CLEC16A: variants seen among roughly 807,000 people sequenced by gnomAD.
The protein encoded by CLEC16A is protein CLEC16A.
A neutral mutation model predicts 109.5 loss-of-function variants in CLEC16A; 51 were observed. The observed-to-expected ratio is 0.47, with a 90% CI of 0.37 to 0.59. The LOEUF is 0.59. Ranked by LOEUF, CLEC16A falls within the 20% of genes least tolerant of loss-of-function variation. CLEC16A has a pLI of 0.00. For synonymous variants in CLEC16A, 673 were observed against 564.2 expected, an observed-to-expected ratio of 1.19 and a Z score of -2.73; for missense variants, 1,339 against 1,394.0, an observed-to-expected ratio of 0.96 and a Z score of 0.63.
chr16:11,120,833 CA>C, intron 20 of CLEC16A, 67 bp downstream of exon 20: 3 of 1,200,840 alleles, frequency 2.5e-6, no homozygotes, highest in South Asian at 2.3e-5. Flanking sequence ...CACACACACA[CA>C]CACACCACAC....
At chr16:11,079,487 G>A (rs2049581479) in intron 19 of CLEC16A, among the ~76,000 whole-genome samples, 1 of 152,194 alleles carries the variant, frequency 6.6e-6, no homozygotes, top group East Asian at 1.9e-4. Context: ...TTTATACAAG[G>A]TTCAAGGTGA....
chr16:11,173,439 C>T (rs2068608957), intron 23 of CLEC16A, among the ~76,000 whole-genome samples: 1 of 152,054 alleles, frequency 6.6e-6, no homozygotes, highest in African/African-American at 2.4e-5. Flanking sequence ...AATTAGAAGC[C>T]CCACTCGGCC....
At chr16:11,024,235 C>T (rs559422076) in intron 12 of CLEC16A, 1 of 153,154 alleles carries the variant, frequency 6.5e-6, no homozygotes, top group South Asian at 2.1e-4. Flanking sequence ...CTTCATTGCG[C>T]TTGAATCCTC....
chr16:10,944,677 G>C lies in CLEC16A; in HGVS notation c.-41G>C. On this transcript the variant is annotated 5_prime_UTR_variant, in exon 1 of 24. Coordinates refer to ENST00000409790, the MANE Select transcript of CLEC16A (RefSeq NM_015226.3). ...GGCGCTGGGCCGCTCTGCTGGTCCG[G>C]CATGAGACCGTGAGACGAGAGACGG... 3 of 1,567,824 alleles carry C rather than the reference G, an allele frequency of 1.9e-6. No homozygotes were observed. Among genetic ancestry groups the C allele is most frequent in the Middle Eastern group, 1.7e-4 (1 of 5,930 alleles).
At chr16:11,102,032 C>G (rs2050949390) in intron 19 of CLEC16A, among the ~76,000 whole-genome samples, 1 of 147,894 alleles carries the variant, frequency 6.8e-6, no homozygotes, top group Non-Finnish European at 1.5e-5. Flanking sequence ...AGGCTGGTCT[C>G]AAACTCTTGG....
chr16:11,148,242 C>T (rs1485982573), intron 22 of CLEC16A, among the ~76,000 whole-genome samples: 2 of 152,170 alleles, frequency 1.3e-5, no homozygotes, highest in Non-Finnish European at 1.5e-5. Context: ...TTTCCTGGTG[C>T]TGCTAGATGG....
chr16:11,088,510 G>T (rs576047742), intron 19 of CLEC16A, among the ~76,000 whole-genome samples: 1 of 152,328 alleles, frequency 6.6e-6, no homozygotes, highest in Admixed American at 6.5e-5. Context: ...AAAGAAGGCC[G>T]CCAAGGAAGG....
intron 22 of CLEC16A, among the ~76,000 whole-genome samples, chr16:11,143,015 T>C (rs2053908225): frequency 6.6e-6 from 1 of 152,232 alleles, no homozygotes; most frequent in Non-Finnish European, 1.5e-5. Context: ...TTCACCATGT[T>C]GGCCAGGCTG....
Position 10,961,497 on chromosome 16 carries a change from C to G in CLEC16A, c.210-958C>G, listed in dbSNP as rs988051751. On this transcript the variant is annotated intron_variant, in intron 2 of 23. Transcript: ENST00000409790. This position sits in a 1 kb window ranked among gnomAD's most constrained non-coding sequence, Gnocchi z 4.3. Reference sequence around the variant, plus strand: ...TAGCTTGAGTACAGAGAACACATAACTAGAAACGTCATTCTCTTCCTTTAG... The same window carrying G: ...TAGCTTGAGTACAGAGAACACATAAGTAGAAACGTCATTCTCTTCCTTTAG... Among the ~76,000 whole-genome samples, 8 of 152,198 alleles carry G rather than the reference C, an allele frequency of 5.3e-5. No homozygotes were observed. The highest frequency in any genetic ancestry group is 1.7e-4 in the African/African-American group (7 of 41,446).
chr16:10,968,473 A>G (rs2042621240), intron 3 of CLEC16A, among the ~76,000 whole-genome samples: 1 of 151,978 alleles, frequency 6.6e-6, no homozygotes, highest in East Asian at 1.9e-4. Flanking sequence ...GGCCCTCATC[A>G]CCCAGTTTTC....
chr16:11,038,010 AT>A (rs1332903503), intron 13 of CLEC16A, among the ~76,000 whole-genome samples: 1 of 152,144 alleles, frequency 6.6e-6, no homozygotes, highest in Non-Finnish European at 1.5e-5. Context: ...CTGCAATGAA[AT>A]TTTTTGAGGA....
intron 17 of CLEC16A, among the ~76,000 whole-genome samples, chr16:11,048,799 G>T (rs74605729): frequency 1.3e-5 from 2 of 152,040 alleles, no homozygotes; most frequent in African/African-American, 4.8e-5. Context: ...CATTAGAGTG[G>T]AAGGGATTCA....
At chr16:11,120,346 T>G (rs1183856842) in intron 19 of CLEC16A, among the ~76,000 whole-genome samples, 4 of 152,276 alleles carry the variant, frequency 2.6e-5, no homozygotes, top group Non-Finnish European at 5.9e-5. Context: ...ATGTACTTTA[T>G]ATGCTTTATA....
chr16:11,156,339 C>T (rs890989983), intron 22 of CLEC16A, among the ~76,000 whole-genome samples: 32 of 147,152 alleles, frequency 2.2e-4, no homozygotes. Context: ...CACTGCACTC[C>T]AGCCTGGGTG....
At chr16:11,100,623 C>T (rs542406893) in intron 19 of CLEC16A, among the ~76,000 whole-genome samples, 4 of 152,306 alleles carry the variant, frequency 2.6e-5, no homozygotes, top group African/African-American at 7.2e-5. Flanking sequence ...ATAACATTAG[C>T]AGCACAACCT....
chr16:11,134,786 G>A (rs1003839081), intron 22 of CLEC16A, among the ~76,000 whole-genome samples: 2 of 152,222 alleles, frequency 1.3e-5, no homozygotes, highest in Admixed American at 6.5e-5. Context: ...TCGCATGGCA[G>A]CTCTGCCTGT....
intron 19 of CLEC16A, among the ~76,000 whole-genome samples, chr16:11,087,967 C>G (rs1022955716): frequency 2.0e-5 from 3 of 152,246 alleles, no homozygotes; most frequent in Non-Finnish European, 4.4e-5. Flanking sequence ...GCTCTTGGGA[C>G]AAGTCTGAGA....
intron 19 of CLEC16A, among the ~76,000 whole-genome samples, chr16:11,063,975 G>C (rs1374347204): frequency 6.6e-6 from 1 of 151,334 alleles, no homozygotes; most frequent in East Asian, 1.9e-4. Context: ...AGGAGGGATT[G>C]GAGGAAGAAA....
At chr16:10,993,766 A>G (rs985935383) in intron 10 of CLEC16A, among the ~76,000 whole-genome samples, 2 of 152,184 alleles carry the variant, frequency 1.3e-5, no homozygotes, top group African/African-American at 2.4e-5. Flanking sequence ...GAGATGCCTC[A>G]TTTTGTGTGA....
Sources: allele counts gnomAD v4.1 joint callset (sites outside exome capture counted in the v4.1 genomes callset), GRCh38; gene constraint gnomAD v4.1.1; non-coding constraint Gnocchi (gnomAD v3.1); transcripts MANE v1.5; gene names NCBI Gene and HGNC (gene_info 2026-07-23, HGNC 2026-07-21).